Variants in NRG3 observed in about 807,000 individuals in gnomAD.
NRG3 encodes pro-neuregulin-3, membrane-bound isoform.
Under a neutral mutation model 66.9 loss-of-function variants are expected in NRG3, and 31 were observed. That is an observed-to-expected ratio of 0.46 (90% CI 0.35 to 0.63). NRG3 has a LOEUF of 0.63. Among genes scored for constraint, NRG3 ranks in the 20% least tolerant of loss-of-function variants. NRG3 has a pLI of 0.00. For synonymous variants in NRG3, 393 were observed against 359.4 expected (o/e 1.09, Z -1.06); for missense variants, 910 against 878.9 (o/e 1.04, Z -0.45).
intron 2 of NRG3, among the ~76,000 whole-genome samples, chr10:82,545,402 G>A (rs956296200): frequency 7.2e-5 from 10 of 137,990 alleles, no homozygotes; most frequent in East Asian, 6.4e-4. Flanking sequence ...TTTTTGAGAC[G>A]GAGTCTCTCT....
intron 2 of NRG3, among the ~76,000 whole-genome samples, chr10:82,622,216 A>AT (rs1484089126): frequency 1.7e-4 from 24 of 140,304 alleles, no homozygotes; most frequent in South Asian, 8.8e-4. Context: ...AGGTAATACT[A>AT]TTTTTTTGCA....
intron 2 of NRG3, among the ~76,000 whole-genome samples, chr10:82,578,833 C>A (rs2046188783): frequency 6.6e-6 from 1 of 151,828 alleles, no homozygotes; most frequent in Non-Finnish European, 1.5e-5. Flanking sequence ...CTTGGGAAAT[C>A]TAAGAAGATT....
At chr10:82,375,860 C>T (rs1026724377) in intron 2 of NRG3, among the ~76,000 whole-genome samples, 1 of 152,100 alleles carries the variant, frequency 6.6e-6, no homozygotes, top group East Asian at 1.9e-4. Flanking sequence ...TCAGTATATG[C>T]GTTTATGACA....
intron 2 of NRG3, among the ~76,000 whole-genome samples, chr10:82,567,904 T>C (rs1023554492): frequency 1.1e-4 from 16 of 151,918 alleles, no homozygotes; most frequent in Non-Finnish European, 2.9e-5. Flanking sequence ...CAGCTGCAGC[T>C]GCCAAAATCA....
At chr10:82,800,980 G>T (rs2061010283) in intron 3 of NRG3, among the ~76,000 whole-genome samples, 1 of 152,184 alleles carries the variant, frequency 6.6e-6, no homozygotes, top group Non-Finnish European at 1.5e-5. Flanking sequence ...AGGTGGGAAA[G>T]AATTGAATTC....
chr10:82,573,859 C>T lies in NRG3; in HGVS notation c.954-164718C>T, dbSNP rs975294168. Among the ~76,000 whole-genome samples the T allele has an allele frequency of 3.3e-5, 5 of 151,724 alleles. No homozygotes were observed. In the South Asian group the frequency reaches 1.0e-3, roughly 31 times the overall value. ...AAACTGGAAGAGACCTCAAAAAAGG[C>T]TTCCTTCAGAAGACAACATTTATGA... On this transcript the variant is annotated intron_variant, in intron 2 of 8. Transcript: ENST00000372141.
At chr10:82,022,063 G>C (rs533835819) in intron 1 of NRG3, among the ~76,000 whole-genome samples, 7 of 151,690 alleles carry the variant, frequency 4.6e-5, no homozygotes, top group Non-Finnish European at 7.4e-5. Context: ...GGGCATCACT[G>C]ATTCATTTAC....
At chr10:82,447,657 A>G (rs1252163651) in intron 2 of NRG3, among the ~76,000 whole-genome samples, 1 of 152,236 alleles carries the variant, frequency 6.6e-6, no homozygotes, top group African/African-American at 2.4e-5. Flanking sequence ...TCATTGTTGT[A>G]TTCTATGTAA....
At chr10:81,955,868 A>G (rs1849783119) in intron 1 of NRG3, among the ~76,000 whole-genome samples, 1 of 152,164 alleles carries the variant, frequency 6.6e-6, no homozygotes, top group African/African-American at 2.4e-5. Flanking sequence ...CTGCTCCCTC[A>G]GTATCTCCAA....
chr10:82,198,324 C>T (rs1214605335), intron 1 of NRG3, among the ~76,000 whole-genome samples: 1 of 135,924 alleles, frequency 7.4e-6, no homozygotes, highest in Non-Finnish European at 1.7e-5. Flanking sequence ...TTTTGTTATT[C>T]TTGCAAAAGC....
At chr10:82,357,412 C>T (rs2083852454) in intron 1 of NRG3, among the ~76,000 whole-genome samples, 2 of 152,302 alleles carry the variant, frequency 1.3e-5, no homozygotes, top group East Asian at 1.9e-4. Context: ...CCTTCATTTA[C>T]TGTCTTAGTC....
intron 1 of NRG3, among the ~76,000 whole-genome samples, chr10:82,004,750 A>G (rs1414189417): frequency 6.6e-6 from 1 of 152,194 alleles, no homozygotes; most frequent in Admixed American, 6.5e-5. Flanking sequence ...CAGTATGATC[A>G]GAGCCTGTAT....
intron 1 of NRG3, among the ~76,000 whole-genome samples, chr10:82,212,838 A>G (rs1025195519): frequency 6.6e-6 from 1 of 152,232 alleles, no homozygotes; most frequent in Non-Finnish European, 1.5e-5. Flanking sequence ...GCATTATGAA[A>G]CATACGTAAG....
chr10:82,288,603 C>CTACCACA (rs989521328), intron 1 of NRG3, among the ~76,000 whole-genome samples: 46 of 152,218 alleles, frequency 3.0e-4, no homozygotes, highest in African/African-American at 1.1e-3. Flanking sequence ...CAAGGTATGC[C>CTACCACA]TACCACATAC....
intron 2 of NRG3, among the ~76,000 whole-genome samples, chr10:82,385,809 G>A (rs891363439): frequency 6.6e-6 from 1 of 151,988 alleles, no homozygotes. Context: ...ATTGTAAAGG[G>A]GCAAGAGGTA....
intron 2 of NRG3, among the ~76,000 whole-genome samples, chr10:82,413,784 T>C (rs1483087967): frequency 6.6e-6 from 1 of 152,154 alleles, no homozygotes; most frequent in Non-Finnish European, 1.5e-5. Flanking sequence ...TACTTTTATT[T>C]TATGGAGATG....
intron 3 of NRG3, among the ~76,000 whole-genome samples, chr10:82,850,870 A>G (rs2063529064): frequency 6.6e-6 from 1 of 152,188 alleles, no homozygotes; most frequent in Non-Finnish European, 1.5e-5. Context: ...ATCTCAGTCT[A>G]CAAAATGTGG....
chr10:82,656,822 C>T (rs1164785851), intron 2 of NRG3, among the ~76,000 whole-genome samples: 1 of 152,086 alleles, frequency 6.6e-6, no homozygotes, highest in African/African-American at 2.4e-5. Flanking sequence ...TTATAACAAC[C>T]CCCTCAAAAT....
At chr10:81,955,753 G>T (rs1348019929) in intron 1 of NRG3, among the ~76,000 whole-genome samples, 1 of 152,106 alleles carries the variant, frequency 6.6e-6, no homozygotes, top group African/African-American at 2.4e-5. Flanking sequence ...TTCTGTTTAG[G>T]TGATCTCATC....
Sources: gnomAD v4.1 joint callset for allele counts (sites outside exome capture counted in the v4.1 genomes callset) on GRCh38, gnomAD v4.1.1 for gene constraint, MANE v1.5 for transcripts, NCBI Gene and HGNC (gene_info 2026-07-23, HGNC 2026-07-21) for gene names.